PLXNC1: variants seen among roughly 807,000 people sequenced by gnomAD.
The protein encoded by PLXNC1 is plexin-C1.
In PLXNC1, 75 loss-of-function variants were observed where a neutral mutation model predicts 178.2. That is an observed-to-expected ratio of 0.42 (90% CI 0.35 to 0.51). The LOEUF is 0.51. PLXNC1 is among the 20% of genes least tolerant of loss of function. The pLI, the probability that PLXNC1 is intolerant of heterozygous loss-of-function variation, is 0.02. For synonymous variants in PLXNC1, 790 were observed against 779.9 expected, an observed-to-expected ratio of 1.01 and a Z score of -0.22; for missense variants, 1,503 against 1,984.4, an observed-to-expected ratio of 0.76 and a Z score of 4.61.
intron 1 of PLXNC1, among the ~76,000 whole-genome samples, chr12:94,153,666 G>A (rs185554686): frequency 1.3e-5 from 2 of 152,222 alleles, no homozygotes; most frequent in African/African-American, 2.4e-5. Flanking sequence ...AGACATTGAG[G>A]GTAGTACGTT....
chr12:94,282,713 C>T, intron 23 of PLXNC1: 1 of 217,816 alleles, frequency 4.6e-6, no homozygotes, highest in East Asian at 1.0e-4. Context: ...ATCCTTTAGC[C>T]TTCACTGGGT....
chr12:94,252,010 AAAC>A (rs200139018), intron 15 of PLXNC1, among the ~76,000 whole-genome samples: 1,937 of 152,254 alleles, frequency 0.013, 20 homozygotes, highest in Non-Finnish European at 0.02. Flanking sequence ...AACAAACAAA[AAAC>A]AAAATTTTTT....
chr12:94,235,406 A>C (rs926172625), intron 9 of PLXNC1, among the ~76,000 whole-genome samples: 1 of 152,210 alleles, frequency 6.6e-6, no homozygotes, highest in Non-Finnish European at 1.5e-5. Context: ...TTTACTTGGC[A>C]TGTTTGAAAA....
At chr12:94,248,147 C>G (rs773154100) in intron 13 of PLXNC1, 41 bp downstream of exon 13, 1 of 1,596,500 alleles carries the variant, frequency 6.3e-7, no homozygotes, top group East Asian at 2.2e-5. Context: ...CACCCCGACC[C>G]CTTGACTGGA....
At chr12:94,283,591 C>T (rs922468202) in intron 23 of PLXNC1, among the ~76,000 whole-genome samples, 2 of 152,162 alleles carry the variant, frequency 1.3e-5, no homozygotes, top group African/African-American at 4.8e-5. Context: ...TCTCCCTGAG[C>T]GTTCAGGGAT....
chr12:94,152,048 A>G (rs1002238151), intron 1 of PLXNC1, among the ~76,000 whole-genome samples: 1 of 152,238 alleles, frequency 6.6e-6, no homozygotes, highest in Non-Finnish European at 1.5e-5. Flanking sequence ...CTATTTATCA[A>G]GAACTCCCAG....
At chr12:94,265,563 A>T (rs530520900) in intron 21 of PLXNC1, among the ~76,000 whole-genome samples, 1 of 152,350 alleles carries the variant, frequency 6.6e-6, no homozygotes, top group South Asian at 2.1e-4. Flanking sequence ...AGAATTTCTC[A>T]AATGGCTCTG....
intron 12 of PLXNC1, 97 bp downstream of exon 12, chr12:94,244,122 CTT>C (rs1964465543): frequency 3.1e-6 from 2 of 641,194 alleles, no homozygotes; most frequent in East Asian, 2.8e-5. Flanking sequence ...GTTTCTGTGA[CTT>C]TGGTGTTATA....
intron 12 of PLXNC1, among the ~76,000 whole-genome samples, chr12:94,245,892 C>T (rs1038722483): frequency 6.6e-6 from 1 of 152,192 alleles, no homozygotes; most frequent in Non-Finnish European, 1.5e-5. Context: ...AGCAGGGAGC[C>T]ACTGAAGATC....
intron 23 of PLXNC1, among the ~76,000 whole-genome samples, chr12:94,287,922 T>C (rs979016862): frequency 3.3e-5 from 5 of 152,220 alleles, no homozygotes; most frequent in Non-Finnish European, 7.3e-5. Context: ...GTGAATACTA[T>C]CAGCCCCATT....
intron 5 of PLXNC1, among the ~76,000 whole-genome samples, chr12:94,211,823 T>A (rs1033050443): frequency 4.6e-5 from 7 of 152,140 alleles, no homozygotes; most frequent in Admixed American, 1.3e-4. Context: ...CTTATATTGA[T>A]CAAAAAATGC....
chr12:94,265,263 T>C lies in PLXNC1; in HGVS notation c.3597+38T>C, dbSNP rs778669828. On this transcript the variant is annotated intron_variant, in intron 21 of 30. Transcript: ENST00000258526. ...TAAAGCTCCCAGCCAGACTCCCAAA[T>C]AAATCTGGCGGGGAATTAGAGGGTG... 5.8e-6 allele frequency: 9 copies of C among 1,564,860 alleles called. No homozygotes were observed. The Admixed American group carries it at 1.6e-4, about 27-fold the overall frequency.
chr12:94,175,547 A>G (rs1962020291), intron 2 of PLXNC1, among the ~76,000 whole-genome samples: 1 of 152,194 alleles, frequency 6.6e-6, no homozygotes, highest in Admixed American at 6.5e-5. Flanking sequence ...ATATGCAACA[A>G]AAATCCCAAG....
In PLXNC1 at chr12:94,149,870, T is replaced by C; in HGVS notation, c.899T>C (p.Val300Ala). 6.3e-7 allele frequency: 1 copy of C among 1,586,716 alleles called. No homozygotes were observed. Among genetic ancestry groups the C allele is most frequent in the East Asian group, 2.3e-5 (1 of 43,278 alleles). The change falls in exon 1 of 31, where the codon GTG becomes GCG. Residue 300 changes from valine (V) to alanine (A), a missense_variant. Physicochemically the swap from Val to Ala is moderately conservative, Grantham distance 64. This residue lies in a region of PLXNC1 where 615 missense variants were observed against 698.6 expected (regional missense o/e 0.88). Coordinates refer to ENST00000258526, the MANE Select transcript of PLXNC1 (RefSeq NM_005761.3). ...CGCCTGCTCCTCTCCTCCAGCCTAGTGGAGGCCCTGGACGTCTGGGCGGGA... is the reference window on the plus strand; with the variant it reads ...CGCCTGCTCCTCTCCTCCAGCCTAGCGGAGGCCCTGGACGTCTGGGCGGGA... Reference protein sequence around the residue: ...GRRLLLSSSLVEALDVWAGVF... With the variant: ...GRRLLLSSSLAEALDVWAGVF...
intron 5 of PLXNC1, among the ~76,000 whole-genome samples, chr12:94,215,957 C>T (rs570256907): frequency 6.6e-6 from 1 of 152,180 alleles, no homozygotes; most frequent in Non-Finnish European, 1.5e-5. Flanking sequence ...TACATGATTT[C>T]CTTTTACAAA....
At chr12:94,264,036 G>A (rs899672315) in intron 20 of PLXNC1, among the ~76,000 whole-genome samples, 9 of 151,984 alleles carry the variant, frequency 5.9e-5, no homozygotes, top group African/African-American at 2.2e-4. Context: ...CTGGCGCTTC[G>A]AGCCCCAGCC....
chr12:94,281,016 C>T (rs1053658740), intron 22 of PLXNC1, among the ~76,000 whole-genome samples: 2 of 152,178 alleles, frequency 1.3e-5, no homozygotes, highest in African/African-American at 4.8e-5. Flanking sequence ...TGGTGGCTCA[C>T]GCCTGTAATC....
chr12:94,226,942 G>A (rs572706624), intron 8 of PLXNC1, among the ~76,000 whole-genome samples: 93 of 152,244 alleles, frequency 6.1e-4, no homozygotes, highest in Non-Finnish European at 1.2e-3. Flanking sequence ...AGAATCACTT[G>A]AACCCGGGAG....
At chr12:94,221,028 G>A (rs1021511297) in intron 6 of PLXNC1, among the ~76,000 whole-genome samples, 7 of 152,214 alleles carry the variant, frequency 4.6e-5, no homozygotes, top group African/African-American at 1.4e-4. Context: ...CTTGTGAACC[G>A]TGAATCCTGC....
Sources: gnomAD v4.1 joint callset for allele counts (sites outside exome capture counted in the v4.1 genomes callset) on GRCh38, gnomAD v4.1.1 for gene constraint, gnomAD v4.1.1 regional missense constraint, MANE v1.5 for transcripts, NCBI Gene and HGNC (gene_info 2026-07-23, HGNC 2026-07-21) for gene names.